The following KIAA0319L variants were observed in gnomAD, a reference collection of about 807,000 sequenced individuals.
KIAA0319L encodes the protein KIAA0319 like.
In KIAA0319L, 55 loss-of-function variants were observed where a neutral mutation model predicts 120.1. The ratio of observed to expected loss-of-function variants is 0.46; its 90% confidence interval spans 0.37 to 0.57. The LOEUF is 0.57. Among genes scored for constraint, KIAA0319L ranks in the 20% least tolerant of loss-of-function variants. The pLI is 0.00. For synonymous variants in KIAA0319L, 398 were observed against 471.9 expected (o/e 0.84, Z 2.03); for missense variants, 1,049 against 1,255.3 (o/e 0.84, Z 2.48).
intron 4 of KIAA0319L, among the ~76,000 whole-genome samples, chr1:35,478,061 C>T (rs915197757): frequency 6.6e-6 from 1 of 152,094 alleles, no homozygotes; most frequent in African/African-American, 2.4e-5. Flanking sequence ...TGGAGTACTA[C>T]TCAGCCATAA....
At chr1:35,534,858 C>CAAAA (rs779838672) in intron 2 of KIAA0319L, among the ~76,000 whole-genome samples, 1,001 of 40,430 alleles carry the variant, frequency 0.025, no homozygotes, top group Non-Finnish European at 0.045. Flanking sequence ...GACTCCGTCT[C>CAAAA]AAAAAAAAAA....
At chr1:35,470,702 A>C (rs560658546) in intron 6 of KIAA0319L, among the ~76,000 whole-genome samples, 161 bp downstream of exon 6, 24 of 152,306 alleles carry the variant, frequency 1.6e-4, no homozygotes, top group African/African-American at 5.8e-4. Context: ...TGAGAATCAT[A>C]CACTAACAAA....
At chr1:35,444,618 C>A (rs1641482313) in intron 16 of KIAA0319L, among the ~76,000 whole-genome samples, 1 of 152,156 alleles carries the variant, frequency 6.6e-6, no homozygotes, top group African/African-American at 2.4e-5. Flanking sequence ...CCCCAGCTAA[C>A]AAAAGAACCC....
chr1:35,553,871 AAAGT>A (rs1485977423), intron 2 of KIAA0319L, among the ~76,000 whole-genome samples: 2 of 152,232 alleles, frequency 1.3e-5, no homozygotes, highest in African/African-American at 4.8e-5. Context: ...CTCTATGGAA[AAAGT>A]AAGGAACGCA....
At chr1:35,549,108 C>T (rs779734251) in intron 2 of KIAA0319L, among the ~76,000 whole-genome samples, 28 of 151,344 alleles carry the variant, frequency 1.9e-4, no homozygotes, top group Non-Finnish European at 3.7e-4. Flanking sequence ...TGGAGTACAG[C>T]GACATGATCA....
intron 5 of KIAA0319L, among the ~76,000 whole-genome samples, chr1:35,471,303 T>C (rs1351923232): frequency 6.6e-6 from 1 of 152,166 alleles, no homozygotes; most frequent in East Asian, 1.9e-4. Flanking sequence ...GATGAACTCA[T>C]TGGGAACAAA....
In KIAA0319L at chr1:35,451,719, C is replaced by T. The variant is rs753677185; in HGVS notation, c.1971G>A (p.Gly657=). Residue 657 remains glycine, a synonymous_variant, in exon 13 of 21, where the codon GGG becomes GGA. Coordinates refer to ENST00000325722, the MANE Select transcript of KIAA0319L (RefSeq NM_024874.5). ...NANSSVATVT[G]LQVGTYVFTL... ...TGAACACATAGGTCCCCACTTGCAGCCCAGTCACAGTAGCAACACTGCTGT... is the reference window on the plus strand; with the variant it reads ...TGAACACATAGGTCCCCACTTGCAGTCCAGTCACAGTAGCAACACTGCTGT... The T allele has an allele frequency of 2.5e-6, 4 of 1,614,100 alleles. No individual in the cohort carries two copies. The highest frequency in any genetic ancestry group is 3.4e-6 in the Non-Finnish European group (4 of 1,179,976).
chr1:35,494,049 T>C (rs542764640), intron 3 of KIAA0319L, among the ~76,000 whole-genome samples: 1 of 152,286 alleles, frequency 6.6e-6, no homozygotes, highest in African/African-American at 2.4e-5. Flanking sequence ...CAGAAGACTT[T>C]TTAAAAAGAA....
chr1:35,523,592 G>A lies in KIAA0319L; in HGVS notation c.143-16457C>T, dbSNP rs933742785. Among the ~76,000 whole-genome samples the A allele has an allele frequency of 4.6e-5, 7 of 152,132 alleles. No homozygotes were observed. In the East Asian group the frequency reaches 1.2e-3, roughly 25 times the overall value. ...ACAATAAATGAGGGTGGTAAATGAC[G>A]GTTGGTAGATGAGTAATGATTACGG... is the stretch of plus-strand genomic sequence containing the variant. On this transcript the variant is annotated intron_variant, in intron 2 of 20. Transcript: ENST00000325722.
chr1:35,499,950 G>A lies in KIAA0319L; in HGVS notation c.666+6662C>T, dbSNP rs532209712. On this transcript the variant is annotated intron_variant, in intron 3 of 20. Coordinates refer to ENST00000325722, the MANE Select transcript of KIAA0319L (RefSeq NM_024874.5). ...AAGAGGTAAGCTCAGGCTTTACATG[G>A]AGCCAGCACAAGAGTTCTCAGAAAA... Among the ~76,000 whole-genome samples the A allele has an allele frequency of 2.8e-4, 42 of 152,224 alleles. No homozygotes were observed. The South Asian group carries it at 7.0e-3, about 26-fold the overall frequency.
At position 35,554,362 on chromosome 1, in the gene KIAA0319L, A is replaced by G; in HGVS notation, c.130T>C (p.Trp44Arg). ...FYTCFCFSVL[W>R]LSTDASESRC... Reference sequence around the variant, plus strand: ...AAGAAAATAGTACCTGTTGACAACCACAGAACGCTGAAGCAAAAGCAAGTA... The same window carrying G: ...AAGAAAATAGTACCTGTTGACAACCGCAGAACGCTGAAGCAAAAGCAAGTA... Residue 44 changes from tryptophan to arginine, a missense_variant, in exon 2 of 21, where the codon TGG becomes CGG. By Grantham distance (101) the Trp-to-Arg change is moderately radical. Transcript: ENST00000325722. 1.9e-6 allele frequency: 3 copies of G among 1,596,812 alleles called. No homozygotes were observed. The highest frequency in any genetic ancestry group is 2.6e-6 in the Non-Finnish European group (3 of 1,174,436).
At chr1:35,529,463 G>A (rs986006503) in intron 2 of KIAA0319L, among the ~76,000 whole-genome samples, 1 of 152,130 alleles carries the variant, frequency 6.6e-6, no homozygotes, top group Non-Finnish European at 1.5e-5. Flanking sequence ...CCGAATGTAG[G>A]ACTCCCTTAA....
At position 35,474,923 on chromosome 1, in the gene KIAA0319L, T is replaced by C. The variant is rs1558399542; in HGVS notation, c.914-17A>G. ...CCTTTATAACTGGAAACAAAGTAAATATACCAGAGATAAGAAATAGATCCA... is the reference window on the plus strand; with the variant it reads ...CCTTTATAACTGGAAACAAAGTAAACATACCAGAGATAAGAAATAGATCCA... On this transcript the variant is annotated splice_polypyrimidine_tract_variant and intron_variant, in intron 4 of 20. Transcript: ENST00000325722. 1 of 1,341,924 alleles carries C rather than the reference T, an allele frequency of 7.5e-7. No homozygotes were observed. Among genetic ancestry groups the C allele is most frequent in the Non-Finnish European group, 1.1e-6 (1 of 936,408 alleles). The allele number at this position is 1,341,924 out of a possible 1,614,324, so 83.1% of individuals were successfully genotyped here. A position where few individuals can be genotyped will look rare whatever the true frequency, so the allele number is the denominator to read the frequency against.
At chr1:35,435,818 T>G (rs1482737624) in intron 20 of KIAA0319L, among the ~76,000 whole-genome samples, 2 of 152,148 alleles carry the variant, frequency 1.3e-5, no homozygotes, top group Non-Finnish European at 2.9e-5. Flanking sequence ...GCCACAGACA[T>G]GAAATGTGGT....
At chr1:35,547,052 C>T (rs1647008373) in intron 2 of KIAA0319L, among the ~76,000 whole-genome samples, 1 of 144,876 alleles carries the variant, frequency 6.9e-6, no homozygotes, top group Non-Finnish European at 1.5e-5. Context: ...TATATTATTA[C>T]ATGTTTATAT....
Position 35,481,888 on chromosome 1 carries a change from G to A in KIAA0319L, c.667-2676C>T, listed in dbSNP as rs373895428. ...CGCCCAGGCTGGAGTGCAGTGGCGC[G>A]ATCTCGGCTCACTGCAAGCTCCACC... On this transcript the variant is annotated intron_variant, in intron 3 of 20. Transcript: ENST00000325722. Among the ~76,000 whole-genome samples the A allele has an allele frequency of 3.6e-3, 491 of 134,702 alleles. 3 individuals carry two copies. Among genetic ancestry groups the A allele is most frequent in the Non-Finnish European group, 4.8e-3 (313 of 64,606 alleles). The allele number at this position is 134,702 out of a possible 152,430, so 88.4% of individuals were successfully genotyped here.
chr1:35,448,259 C>G lies in KIAA0319L; in HGVS notation c.2427G>C (p.Gly809=). ...NVSQLTERLK[G]MFIRQIGVLL... is the part of the protein sequence containing the mutation. The stretch of plus-strand genomic sequence containing the variant: ...GGACCCCAATCTGGCGGATGAACAT[C>G]CCCTTCAGCCTCTCAGTTAGCTGAC... The change falls in exon 16 of 21, where the codon GGG becomes GGC. Residue 809 remains glycine, a synonymous_variant. Coordinates refer to ENST00000325722, the MANE Select transcript of KIAA0319L (RefSeq NM_024874.5). 1 of 1,614,074 alleles carries G rather than the reference C, an allele frequency of 6.2e-7. No individual in the cohort carries two copies. Among genetic ancestry groups the G allele is most frequent in the Non-Finnish European group, 8.5e-7 (1 of 1,179,972 alleles).
chr1:35,492,343 G>A (rs535539136), intron 3 of KIAA0319L, among the ~76,000 whole-genome samples: 4 of 152,014 alleles, frequency 2.6e-5, no homozygotes, highest in South Asian at 2.1e-4. Flanking sequence ...GTGAAACCCC[G>A]TCTCTACTAA....
At chr1:35,487,637 G>C (rs1381299392) in intron 3 of KIAA0319L, among the ~76,000 whole-genome samples, 3 of 152,200 alleles carry the variant, frequency 2.0e-5, no homozygotes, top group Admixed American at 6.5e-5. Flanking sequence ...TCATTGTACT[G>C]TCTTTGTTTC....
Sources: gnomAD v4.1 joint callset for allele counts (sites outside exome capture counted in the v4.1 genomes callset) on GRCh38, gnomAD v4.1.1 for gene constraint, MANE v1.5 for transcripts, NCBI Gene and HGNC (gene_info 2026-07-23, HGNC 2026-07-21) for gene names.